ZFR: variants seen among roughly 807,000 people sequenced by gnomAD.
ZFR encodes zinc finger RNA binding protein, also known as zinc finger RNA-binding protein.
A neutral mutation model predicts 130.7 loss-of-function variants in ZFR; 19 were observed. That is an observed-to-expected ratio of 0.15 (90% confidence interval 0.10 to 0.21). ZFR has a LOEUF of 0.21. ZFR is among the 10% of genes least tolerant of loss of function. ZFR has a pLI of 1.00. For missense variants in ZFR, 872 were observed against 1,321.5 expected (o/e 0.66, Z 5.27); for synonymous variants, 466 against 456.9 (o/e 1.02, Z -0.25).
intron 7 of ZFR, 116 bp downstream of exon 7, chr5:32,403,790 G>T: frequency 1.1e-6 from 1 of 884,306 alleles, no homozygotes; most frequent in Non-Finnish European, 1.7e-6. Flanking sequence ...CATAAGCAAG[G>T]CTTATAATGC....
chr5:32,415,234 T>C (rs778449068), intron 4 of ZFR, 47 bp from the exon 5 acceptor site: 112 of 1,499,692 alleles, frequency 7.5e-5, no homozygotes, highest in Non-Finnish European at 9.4e-5. Flanking sequence ...TAAGCCACTA[T>C]AGTTACTGTA....
intron 2 of ZFR, among the ~76,000 whole-genome samples, chr5:32,430,155 A>T (rs1323769108): frequency 6.6e-6 from 1 of 151,956 alleles, no homozygotes; most frequent in Non-Finnish European, 1.5e-5. Context: ...GTACAGAATT[A>T]AAAGAAAAAA....
At chr5:32,385,874 G>A (rs1266712067) in intron 14 of ZFR, among the ~76,000 whole-genome samples, 1 of 152,006 alleles carries the variant, frequency 6.6e-6, no homozygotes, top group Non-Finnish European at 1.5e-5. Flanking sequence ...TGTTTGTATT[G>A]TGAGTTATTT....
chr5:32,389,166 A>G (rs1370043987), intron 12 of ZFR, among the ~76,000 whole-genome samples: 2 of 152,170 alleles, frequency 1.3e-5, no homozygotes, highest in Non-Finnish European at 2.9e-5. Flanking sequence ...ATCTCTCAAG[A>G]TGCAGATTTT....
chr5:32,381,808 C>A (rs909854259), intron 15 of ZFR, among the ~76,000 whole-genome samples: 1 of 152,126 alleles, frequency 6.6e-6, no homozygotes, highest in African/African-American at 2.4e-5. Flanking sequence ...TCAAGGAAAA[C>A]TGTGTGACAT....
At chr5:32,431,650 T>C (rs1168263577) in intron 2 of ZFR, among the ~76,000 whole-genome samples, 2 of 152,170 alleles carry the variant, frequency 1.3e-5, no homozygotes, top group African/African-American at 4.8e-5. Context: ...CAATCTGACC[T>C]TCCCTTTAGT....
At position 32,436,898 on chromosome 5, in the gene ZFR, T is replaced by C. The variant is rs115985378; in HGVS notation, c.137+7331A>G. Reference sequence around the variant, plus strand: ...AAGTTACACAGGTACACTCGGTTTATGACATTTCATTTTCTCTTACATGTG... The same window carrying C: ...AAGTTACACAGGTACACTCGGTTTACGACATTTCATTTTCTCTTACATGTG... On this transcript the variant is annotated intron_variant, in intron 2 of 19. Coordinates refer to ENST00000265069, the MANE Select transcript of ZFR (RefSeq NM_016107.5). Among the ~76,000 whole-genome samples the C allele has an allele frequency of 7.8e-3, 1,184 of 152,364 alleles. 15 individuals are homozygous for C. The highest frequency in any genetic ancestry group is 0.027 in the African/African-American group (1,119 of 41,582).
chr5:32,381,916 C>A (rs1045885970), intron 15 of ZFR, among the ~76,000 whole-genome samples: 1 of 151,960 alleles, frequency 6.6e-6, no homozygotes, highest in Non-Finnish European at 1.5e-5. Context: ...AACTATTGAA[C>A]CTAGAAATAA....
chr5:32,424,745 T>C (rs1185789038), intron 2 of ZFR, among the ~76,000 whole-genome samples: 1 of 152,170 alleles, frequency 6.6e-6, no homozygotes, highest in Non-Finnish European at 1.5e-5. Context: ...ATCATAATCA[T>C]AGAATGGTAC....
At chr5:32,356,451 T>C (rs1170825261) in intron 19 of ZFR, among the ~76,000 whole-genome samples, 1 of 152,182 alleles carries the variant, frequency 6.6e-6, no homozygotes, top group Non-Finnish European at 1.5e-5. Context: ...CTCGCTCTGT[T>C]GCCCAGGCTG....
rs111275875 is a variant in ZFR at position 32,387,726 on chromosome 5, A to G, written c.2349-27T>C. On this transcript the variant is annotated intron_variant, in intron 13 of 19. Coordinates refer to ENST00000265069, the MANE Select transcript of ZFR (RefSeq NM_016107.5). ...TGCAGTAAAATAAAATTATATTATG[A>G]TATTTCTCTGCTTAACCAGAAGCAT... 1.6e-5 allele frequency: 25 copies of G among 1,585,034 alleles called. No individual in the cohort carries two copies. In the African/African-American group the frequency reaches 1.9e-4, roughly 12 times the overall value.
In ZFR at chr5:32,388,459, C is replaced by T. The variant is rs780024372; in HGVS notation, c.2348+10G>A. 1.2e-6 allele frequency: 2 copies of T among 1,611,486 alleles called. No individual in the cohort carries two copies. The highest frequency in any genetic ancestry group is 4.5e-5 in the East Asian group (2 of 44,794). ...AAAATTACACATGGTAAATAACTTT[C>T]AAAACACACCTGTCTTTACCTCCCT... On this transcript the variant is annotated intron_variant, in intron 13 of 19. Transcript: ENST00000265069.
At chr5:32,378,078 C>T (rs982363927) in intron 17 of ZFR, among the ~76,000 whole-genome samples, 1 of 152,146 alleles carries the variant, frequency 6.6e-6, no homozygotes, top group African/African-American at 2.4e-5. Context: ...TATAATTAGT[C>T]TAATAGTTTT....
chr5:32,366,256 A>T (rs918514641), intron 17 of ZFR, among the ~76,000 whole-genome samples: 9 of 152,244 alleles, frequency 5.9e-5, no homozygotes, highest in African/African-American at 1.4e-4. Flanking sequence ...AAGTCATAAA[A>T]TACGTAACTT....
At chr5:32,387,820 T>C (rs982249254) in intron 13 of ZFR, 121 bp from the exon 14 acceptor site, 56 of 911,444 alleles carry the variant, frequency 6.1e-5, no homozygotes, top group East Asian at 8.7e-5. Flanking sequence ...TCAACCGCAG[T>C]AGAAAGACAT....
intron 19 of ZFR, among the ~76,000 whole-genome samples, chr5:32,362,396 C>T (rs904644564): frequency 1.3e-5 from 2 of 152,140 alleles, no homozygotes; most frequent in African/African-American, 4.8e-5. Flanking sequence ...AATATGGAAT[C>T]ATTCCAGAGA....
At chr5:32,428,699 G>A (rs1754131015) in intron 2 of ZFR, among the ~76,000 whole-genome samples, 1 of 152,234 alleles carries the variant, frequency 6.6e-6, no homozygotes, top group Admixed American at 6.5e-5. Context: ...ACTTTGAGTA[G>A]TATAAAAGCA....
intron 2 of ZFR, among the ~76,000 whole-genome samples, chr5:32,440,619 C>T (rs1454187777): frequency 1.3e-5 from 2 of 151,562 alleles, no homozygotes; most frequent in African/African-American, 4.8e-5. Flanking sequence ...TGCACTCCAG[C>T]CTGGGTGACA....
intron 5 of ZFR, among the ~76,000 whole-genome samples, chr5:32,410,576 C>G (rs1283168835): frequency 1.3e-5 from 2 of 150,762 alleles, no homozygotes; most frequent in Non-Finnish European, 2.9e-5. Flanking sequence ...CCACTGCACT[C>G]CAGCCTGGGT....
Sources: gnomAD v4.1 joint callset for allele counts (sites outside exome capture counted in the v4.1 genomes callset) on GRCh38, gnomAD v4.1.1 for gene constraint, MANE v1.5 for transcripts, NCBI Gene and HGNC (gene_info 2026-07-23, HGNC 2026-07-21) for gene names.